TMEM196: variants seen among roughly 807,000 people sequenced by gnomAD.
TMEM196 encodes the protein transmembrane protein 196.
Under a neutral mutation model 20.0 loss-of-function variants are expected in TMEM196, and 17 were observed. That is an observed-to-expected ratio of 0.85 (90% CI 0.58 to 1.27). The LOEUF is 1.27. Ranked by LOEUF, TMEM196 falls within the 50% of genes most tolerant of loss-of-function variation. The pLI, the probability that TMEM196 is intolerant of heterozygous loss-of-function variation, is 0.00. For synonymous variants in TMEM196, 113 were observed against 88.9 expected (o/e 1.27, Z -1.52); for missense variants, 267 against 223.0 (o/e 1.20, Z -1.26).
At chr7:19,736,548 A>G (rs1416066616) in intron 1 of TMEM196, among the ~76,000 whole-genome samples, 1 of 151,560 alleles carries the variant, frequency 6.6e-6, no homozygotes, top group African/African-American at 2.4e-5. Flanking sequence ...GGACTCAGAC[A>G]TCATTATTTT....
rs200293383 is a variant in TMEM196 at position 19,725,653 on chromosome 7, G to C, written c.320C>G (p.Ser107Cys). 1 of 1,614,166 alleles carries C rather than the reference G, an allele frequency of 6.2e-7. No homozygotes were observed. The highest frequency in any genetic ancestry group is 2.2e-5 in the East Asian group (1 of 44,884). The change falls in exon 3 of 5, where the codon TCC becomes TGC. Residue 107 changes from serine to cysteine, a missense_variant. Coordinates refer to ENST00000405844, the MANE Select transcript of TMEM196 (RefSeq NM_001363562.2). ...TSSLYPLHLASMSLACIGIGG... is the reference protein window; with the variant it reads ...TSSLYPLHLACMSLACIGIGG... ...GATCCCAATGCACGCGAGAGACATG[G>C]AGGCAAGGTGCAGTGGGTATAGGGA...
intron 1 of TMEM196, among the ~76,000 whole-genome samples, chr7:19,736,890 C>A (rs1184204704): frequency 1.3e-5 from 2 of 151,936 alleles, no homozygotes; most frequent in African/African-American, 4.8e-5. Context: ...ATTGCTAATA[C>A]ATATTTTTTC....
At chr7:19,766,532 A>G (rs1785633615) in intron 1 of TMEM196, among the ~76,000 whole-genome samples, 1 of 150,952 alleles carries the variant, frequency 6.6e-6, no homozygotes, top group Non-Finnish European at 1.5e-5. Flanking sequence ...ATATATATAA[A>G]ATATATAGGA....
intron 1 of TMEM196, among the ~76,000 whole-genome samples, chr7:19,758,348 C>G (rs1012318550): frequency 8.5e-5 from 13 of 152,292 alleles, no homozygotes; most frequent in African/African-American, 3.1e-4. Flanking sequence ...CCTCTGAAAT[C>G]TGTTAACATA....
intron 1 of TMEM196, among the ~76,000 whole-genome samples, chr7:19,762,768 C>A (rs1785486666): frequency 6.6e-6 from 1 of 152,104 alleles, no homozygotes; most frequent in African/African-American, 2.4e-5. Context: ...AGCTTTGAGT[C>A]TGATTTGTGA....
intron 2 of TMEM196, 130 bp from the exon 3 acceptor site, chr7:19,725,898 A>C: frequency 9.0e-7 from 1 of 1,115,810 alleles, no homozygotes; most frequent in Admixed American, 3.0e-5. Flanking sequence ...TTGGTGCTTC[A>C]CAGAGGACAG....
chr7:19,727,261 A>G (rs1357294447), intron 2 of TMEM196, among the ~76,000 whole-genome samples: 1 of 152,146 alleles, frequency 6.6e-6, no homozygotes, highest in East Asian at 1.9e-4. Context: ...ACATGGCATG[A>G]TAAGTATTAA....
chr7:19,747,565 C>T (rs1170888012), intron 1 of TMEM196, among the ~76,000 whole-genome samples: 1 of 152,074 alleles, frequency 6.6e-6, no homozygotes, highest in Non-Finnish European at 1.5e-5. Flanking sequence ...AAAACTGATC[C>T]TCAGATACAT....
At chr7:19,732,818 G>C (rs1323469380) in intron 1 of TMEM196, among the ~76,000 whole-genome samples, 1 of 152,034 alleles carries the variant, frequency 6.6e-6, no homozygotes, top group African/African-American at 2.4e-5. Flanking sequence ...ATTTTATAAA[G>C]GAATTTGTTA....
rs143842127 is a variant in TMEM196 at position 19,722,111 on chromosome 7, A to G, written c.*17T>C. On this transcript the variant is annotated 3_prime_UTR_variant, in exon 5 of 5. Coordinates refer to ENST00000405844, the MANE Select transcript of TMEM196 (RefSeq NM_001363562.2). ...CATTAAATATCAGCTGTGGTCCTCC[A>G]TTGCTCATGTTGTCTGTTATTTCCT... is the stretch of plus-strand genomic sequence containing the variant. 1,575 of 1,609,962 alleles carry G rather than the reference A, an allele frequency of 9.8e-4. 6 individuals carry two copies. The highest frequency in any genetic ancestry group is 1.7e-3 in the Admixed American group (102 of 59,516).
intron 1 of TMEM196, among the ~76,000 whole-genome samples, chr7:19,732,731 A>G (rs1024341732): frequency 2.6e-5 from 4 of 152,078 alleles, no homozygotes; most frequent in Admixed American, 1.3e-4. Flanking sequence ...TTGTTAATTT[A>G]TGATATAACT....
At chr7:19,733,474 A>T (rs775788705) in intron 1 of TMEM196, among the ~76,000 whole-genome samples, 2 of 152,192 alleles carry the variant, frequency 1.3e-5, no homozygotes, top group Non-Finnish European at 2.9e-5. Context: ...GGAGGAAGAG[A>T]CACTGGTCAT....
intron 1 of TMEM196, among the ~76,000 whole-genome samples, chr7:19,762,062 G>T (rs1329855303): frequency 6.6e-6 from 1 of 151,992 alleles, no homozygotes; most frequent in African/African-American, 2.4e-5. Context: ...AAGGCTTTTA[G>T]GTGTTAGAGC....
rs766084291 is a variant in TMEM196 at position 19,722,037 on chromosome 7, G to A, written c.*91C>T. On this transcript the variant is annotated 3_prime_UTR_variant, in exon 5 of 5. Coordinates refer to ENST00000405844, the MANE Select transcript of TMEM196 (RefSeq NM_001363562.2). ...GTCCTTTGGTGTCTCATTGCCTCAT[G>A]AAAATCCTAAAAAGTGTTCAATTCT... is the stretch of plus-strand genomic sequence containing the variant. 6.3e-7 allele frequency: 1 copy of A among 1,575,636 alleles called. No individual in the cohort carries two copies. The highest frequency in any genetic ancestry group is 1.1e-5 in the South Asian group (1 of 88,378).
intron 1 of TMEM196, among the ~76,000 whole-genome samples, chr7:19,757,238 A>G (rs562821886): frequency 2.0e-5 from 3 of 149,616 alleles, no homozygotes; most frequent in Admixed American, 1.3e-4. Context: ...CAGTGGCGCA[A>G]TCTTGGCTCA....
In TMEM196 at chr7:19,719,368, C is replaced by G. The variant is rs1783742393; in HGVS notation, c.*2760G>C. ...GACATGTCAGTAGAGTTATCATTTC[C>G]TGTTCCACTTCCAAACCATTGTGTG... On this transcript the variant is annotated 3_prime_UTR_variant, in exon 5 of 5. Transcript: ENST00000405844. 1 of 148,838 alleles carries G rather than the reference C, an allele frequency of 6.7e-6. No individual in the cohort carries two copies. Among genetic ancestry groups the G allele is most frequent in the South Asian group, 2.1e-4 (1 of 4,702 alleles). 9.2% of individuals were successfully genotyped at this position (148,838 alleles called of 1,614,324 possible).
intron 1 of TMEM196, among the ~76,000 whole-genome samples, chr7:19,747,888 T>C (rs143145673): frequency 0.013 from 2,043 of 152,178 alleles, 46 homozygotes; most frequent in African/African-American, 0.047. Flanking sequence ...TGAGGGAGCT[T>C]TTCTCCCTAA....
rs527433880 is a variant in TMEM196 at position 19,757,679 on chromosome 7, C to T, written c.147+14871G>A. 1.1e-3 allele frequency among the ~76,000 whole-genome samples: 169 copies of T among 152,112 alleles called. 1 individual carries two copies. The highest frequency in any genetic ancestry group is 2.0e-3 in the Non-Finnish European group (137 of 67,974). ...TTAGCAAAATCATGAGTTAAAGTTA[C>T]TCCTTTTTTTTACTCCAAAGTAACT... On this transcript the variant is annotated intron_variant, in intron 1 of 4. Transcript: ENST00000405844.
intron 1 of TMEM196, among the ~76,000 whole-genome samples, chr7:19,730,265 A>AG (rs1245500256): frequency 1.3e-5 from 2 of 151,640 alleles, no homozygotes; most frequent in East Asian, 3.9e-4. Flanking sequence ...CAAAAAAGAA[A>AG]AAAAAAAAAA....
Sources: gnomAD v4.1 joint callset for allele counts (sites outside exome capture counted in the v4.1 genomes callset) on GRCh38, gnomAD v4.1.1 for gene constraint, MANE v1.5 for transcripts, NCBI Gene and HGNC (gene_info 2026-07-23, HGNC 2026-07-21) for gene names.